ZDHHC2: variants seen among roughly 807,000 people sequenced by gnomAD.
The protein encoded by ZDHHC2 is palmitoyltransferase ZDHHC2.
In ZDHHC2, 51 loss-of-function variants were observed where a neutral mutation model predicts 55.6. That is an observed-to-expected ratio of 0.92 (90% confidence interval 0.73 to 1.16). The LOEUF is 1.16. ZDHHC2 is among the 50% of genes most tolerant of loss of function. ZDHHC2 has a pLI of 0.00. For synonymous variants in ZDHHC2, 199 were observed against 152.9 expected (o/e 1.30, Z -2.22); for missense variants, 491 against 442.4 (o/e 1.11, Z -0.99).
chr8:17,164,960 G>T (rs964037530), intron 1 of ZDHHC2, among the ~76,000 whole-genome samples: 1 of 152,178 alleles, frequency 6.6e-6, no homozygotes, highest in South Asian at 2.1e-4. Context: ...CATCCCTTTG[G>T]ATCCCATGAG....
In ZDHHC2 at chr8:17,221,222, TG is replaced by T. The variant is rs1468689772; in HGVS notation, c.*1002del. 3 of 152,538 alleles carry T rather than the reference TG, an allele frequency of 2.0e-5. No individual in the cohort carries two copies. The highest frequency in any genetic ancestry group is 4.4e-5 in the Non-Finnish European group (3 of 67,982). 9.4% of individuals were successfully genotyped at this position (152,538 alleles called of 1,614,324 possible). A position where few individuals can be genotyped will look rare whatever the true frequency, so the allele number is the denominator to read the frequency against. On this transcript the variant is annotated 3_prime_UTR_variant, in exon 13 of 13. Coordinates refer to ENST00000262096, the MANE Select transcript of ZDHHC2 (RefSeq NM_016353.5). ...TTAAACACCTATTACAGTTAAATTA[TG>T]CAAATCATTAAATAAAAATCATACA...
rs780427440 is a variant in ZDHHC2 at position 17,186,455 on chromosome 8, A to G, written c.252+30A>G. The G allele has an allele frequency of 4.6e-6, 6 of 1,308,214 alleles. 1 individual carries two copies. In the Admixed American group the frequency reaches 1.5e-4, roughly 33 times the overall value. The allele number at this position is 1,308,214 out of a possible 1,614,324, so 81.0% of individuals were successfully genotyped here. A position where few individuals can be genotyped will look rare whatever the true frequency, so the allele number is the denominator to read the frequency against. On this transcript the variant is annotated intron_variant, in intron 3 of 12. Transcript: ENST00000262096. ...GTTAAAATATTAACGAAATTATTCT[A>G]ATAATAGAAATCAATAATACTGATG... is the stretch of plus-strand genomic sequence containing the variant.
chr8:17,165,864 C>T (rs2904664), intron 1 of ZDHHC2, among the ~76,000 whole-genome samples: 20,988 of 152,048 alleles, frequency 0.14, 3,713 homozygotes, highest in East Asian at 0.49. Flanking sequence ...TTTAACCATG[C>T]GGGTATTGTG....
rs74498881 is a variant in ZDHHC2 at position 17,185,891 on chromosome 8, C to G, written c.158-440C>G. ...TACACCAGCTTTGACTAGAGCCAAGCAAATAAGCAAACAGCTTCTCAAATA... is the reference window on the plus strand; with the variant it reads ...TACACCAGCTTTGACTAGAGCCAAGGAAATAAGCAAACAGCTTCTCAAATA... On this transcript the variant is annotated intron_variant, in intron 2 of 12. Coordinates refer to ENST00000262096, the MANE Select transcript of ZDHHC2 (RefSeq NM_016353.5). Among the ~76,000 whole-genome samples, 1,002 of 152,302 alleles carry G rather than the reference C, an allele frequency of 6.6e-3. 13 individuals are homozygous for G. Among genetic ancestry groups the G allele is most frequent in the African/African-American group, 0.023 (943 of 41,554 alleles).
intron 1 of ZDHHC2, among the ~76,000 whole-genome samples, chr8:17,161,295 A>G (rs1165791812): frequency 6.6e-6 from 1 of 152,188 alleles, no homozygotes; most frequent in Non-Finnish European, 1.5e-5. Context: ...CTGTTGCTTT[A>G]TATTATTAAT....
intron 1 of ZDHHC2, among the ~76,000 whole-genome samples, chr8:17,182,543 A>G (rs1488905916): frequency 6.6e-6 from 1 of 152,180 alleles, no homozygotes; most frequent in African/African-American, 2.4e-5. Context: ...ATGTTACACA[A>G]TTATTTACTA....
intron 1 of ZDHHC2, among the ~76,000 whole-genome samples, chr8:17,166,751 G>T (rs1435841986): frequency 6.6e-6 from 1 of 152,074 alleles, no homozygotes; most frequent in Non-Finnish European, 1.5e-5. Context: ...GGGAGGAAAG[G>T]GTGTCAAGGA....
chr8:17,209,802 C>A, intron 8 of ZDHHC2, 130 bp from the exon 9 acceptor site: 1 of 1,063,752 alleles, frequency 9.4e-7, no homozygotes, highest in Non-Finnish European at 1.3e-6. Flanking sequence ...TTGACAGGCA[C>A]ATAAGCCCTC....
chr8:17,207,241 GA>G (rs1209079061), intron 7 of ZDHHC2, among the ~76,000 whole-genome samples: 3 of 152,270 alleles, frequency 2.0e-5, no homozygotes, highest in Middle Eastern at 3.4e-3. Flanking sequence ...ATGGTGCTTC[GA>G]TAGGTGTCCA....
chr8:17,199,516 T>C (rs1166058858), intron 6 of ZDHHC2, among the ~76,000 whole-genome samples: 1 of 38,526 alleles, frequency 2.6e-5, no homozygotes, highest in East Asian at 5.7e-4. Context: ...TTCTTCTTCG[T>C]CTTCGTCTTC....
chr8:17,181,685 A>G (rs1317064811), intron 1 of ZDHHC2, among the ~76,000 whole-genome samples: 1 of 152,196 alleles, frequency 6.6e-6, no homozygotes, highest in Non-Finnish European at 1.5e-5. Context: ...CAAAATCCAC[A>G]TTAAAACCAA....
At chr8:17,180,848 G>A (rs182720192) in intron 1 of ZDHHC2, among the ~76,000 whole-genome samples, 10 of 152,298 alleles carry the variant, frequency 6.6e-5, no homozygotes, top group African/African-American at 1.7e-4. Flanking sequence ...CTATAAAAAA[G>A]TACAATACTA....
intron 11 of ZDHHC2, among the ~76,000 whole-genome samples, chr8:17,216,281 A>G (rs1807643454): frequency 6.6e-6 from 1 of 152,224 alleles, no homozygotes. Flanking sequence ...AGTGGTAGCG[A>G]AAAACAAATG....
intron 1 of ZDHHC2, among the ~76,000 whole-genome samples, chr8:17,159,847 T>G (rs1804247657): frequency 6.6e-6 from 1 of 152,166 alleles, no homozygotes; most frequent in African/African-American, 2.4e-5. Flanking sequence ...TTCCTCCCCC[T>G]CCATCCTTTC....
At chr8:17,187,458 T>C (rs1161819229) in intron 3 of ZDHHC2, among the ~76,000 whole-genome samples, 1 of 152,096 alleles carries the variant, frequency 6.6e-6, no homozygotes, top group Non-Finnish European at 1.5e-5. Context: ...AGTAATCAGT[T>C]TGAAATGCAA....
Position 17,197,600 on chromosome 8 carries a change from G to C in ZDHHC2, c.392G>C (p.Arg131Thr). ...TCCCTAGCCATCCGATACTGTGACAGATGCCAACTTATAAAACCAGATCGC... is the reference window on the plus strand; with the variant it reads ...TCCCTAGCCATCCGATACTGTGACACATGCCAACTTATAAAACCAGATCGC... Reference protein sequence around the residue: ...TMSGAIRYCDRCQLIKPDRCH... With the variant: ...TMSGAIRYCDTCQLIKPDRCH... Residue 131 changes from arginine (R) to threonine (T), a missense_variant, in exon 5 of 13, where the codon AGA becomes ACA. Transcript: ENST00000262096. 6.2e-7 allele frequency: 1 copy of C among 1,613,774 alleles called. No homozygotes were observed. Among genetic ancestry groups the C allele is most frequent in the African/African-American group, 1.3e-5 (1 of 75,042 alleles).
At chr8:17,213,441 G>C (rs535225451) in intron 10 of ZDHHC2, among the ~76,000 whole-genome samples, 178 of 151,898 alleles carry the variant, frequency 1.2e-3, no homozygotes, top group Non-Finnish European at 2.2e-3. Context: ...TAGGAGAGAT[G>C]GGGTATCACC....
intron 6 of ZDHHC2, among the ~76,000 whole-genome samples, chr8:17,201,165 C>A (rs1010182005): frequency 2.0e-5 from 3 of 152,196 alleles, no homozygotes; most frequent in African/African-American, 7.2e-5. Context: ...CAGTCCCTCT[C>A]CCCACCTTCT....
chr8:17,209,975 T>C lies in ZDHHC2; in HGVS notation c.774T>C (p.Asn258=), dbSNP rs1391313284. ...TATTTCGACATGGAACAGATAAGAA[T>C]GGATTCAGCTTGGGTTTCAGTAAAA... ...SPVFRHGTDK[N]GFSLGFSKNM... The change falls in exon 9 of 13, where the codon AAT becomes AAC. Residue 258 remains asparagine, a synonymous_variant. Transcript: ENST00000262096. 4.3e-6 allele frequency: 7 copies of C among 1,612,000 alleles called. No homozygotes were observed. Among genetic ancestry groups the C allele is most frequent in the Non-Finnish European group, 5.9e-6 (7 of 1,178,954 alleles).
Sources: allele counts gnomAD v4.1 joint callset (sites outside exome capture counted in the v4.1 genomes callset), GRCh38; gene constraint gnomAD v4.1.1; transcripts MANE v1.5; gene names NCBI Gene and HGNC (gene_info 2026-07-23, HGNC 2026-07-21).